Variants in GSE1 observed in about 807,000 individuals in gnomAD.
GSE1 encodes the protein Gse1 coiled-coil protein.
In GSE1, 32 loss-of-function variants were observed where a neutral mutation model predicts 112.6. That is an observed-to-expected ratio of 0.28 (90% CI 0.21 to 0.38). The LOEUF (loss-of-function observed/expected upper bound fraction) is 0.38. Among genes scored for constraint, GSE1 ranks in the 10% least tolerant of loss-of-function variants. The pLI is 1.00. For missense variants in GSE1, 2,348 were observed against 1,699.2 expected, an observed-to-expected ratio of 1.38 and a Z score of -6.71; for synonymous variants, 1,115 against 735.6, an observed-to-expected ratio of 1.52 and a Z score of -8.35.
intron 2 of GSE1, among the ~76,000 whole-genome samples, chr16:85,640,450 C>G (rs1017728740): frequency 2.0e-5 from 3 of 152,228 alleles, no homozygotes; most frequent in Non-Finnish European, 4.4e-5. Flanking sequence ...CCGCGGGGCC[C>G]TGTGCCGCCT....
Position 85,279,881 on chromosome 16 carries a change from A to G in GSE1, c.2284-77582A>G, listed in dbSNP as rs1222579869. On this transcript the variant is annotated intron_variant, in intron 1 of 2. Coordinates refer to the GSE1 transcript ENST00000637419. ...TTCCCGGTGGAAGGAACGCCATCTC[A>G]GAGCAAACTCCGGCGGCGTCATTAG... Among the ~76,000 whole-genome samples the G allele has an allele frequency of 2.0e-5, 3 of 152,190 alleles. No individual in the cohort carries two copies. The East Asian group carries it at 5.8e-4, about 29-fold the overall frequency.
intron 1 of GSE1, among the ~76,000 whole-genome samples, chr16:85,628,116 G>A (rs973449594): frequency 2.0e-5 from 3 of 152,220 alleles, no homozygotes; most frequent in East Asian, 1.9e-4. Context: ...GGGGTTCCCC[G>A]GCTCTTGGCC....
chr16:85,306,660 C>T (rs2045687775), intron 1 of GSE1, among the ~76,000 whole-genome samples: 1 of 152,174 alleles, frequency 6.6e-6, no homozygotes, highest in South Asian at 2.1e-4. Flanking sequence ...GCGATCCTCC[C>T]ACCTCAGCCT....
intron 1 of GSE1, among the ~76,000 whole-genome samples, chr16:85,267,462 G>T (rs1050733263): frequency 2.6e-5 from 4 of 152,114 alleles, no homozygotes; most frequent in Non-Finnish European, 4.4e-5. Context: ...CAGTGACCGT[G>T]GGGGGTGGGG....
At chr16:85,672,356 C>G (rs770474688) in intron 15 of GSE1, 49 bp from the exon 16 acceptor site, 1 of 1,472,810 alleles carries the variant, frequency 6.8e-7, no homozygotes, top group Non-Finnish European at 9.5e-7. Flanking sequence ...ACATGCTTGT[C>G]CTTACAGAGG....
rs1222684136 is a variant in GSE1, at chr16:85,663,069, C to T, written c.2349C>T (p.Pro783=). 2 of 1,611,356 alleles carry T rather than the reference C, an allele frequency of 1.2e-6. No homozygotes were observed. Among genetic ancestry groups the T allele is most frequent in the East Asian group, 2.2e-5 (1 of 44,882 alleles). Residue 783 remains proline, a synonymous_variant, in exon 10 of 16, where the codon CCC becomes CCT. Transcript: ENST00000253458. The part of the protein sequence containing the change: ...AHLRCVAEQP[P]LKLDTSSEKL... The stretch of plus-strand genomic sequence containing the variant: ...TCCGTTGCGTGGCCGAGCAGCCGCC[C>T]CTCAAACTGGACACGTCCTCTGAGG...
intron 1 of GSE1, among the ~76,000 whole-genome samples, chr16:85,178,929 A>G (rs918586256): frequency 6.6e-5 from 10 of 151,600 alleles, no homozygotes; most frequent in Non-Finnish European, 1.2e-4. Context: ...GCGGGCGGGG[A>G]CCCGTCAGGT....
At position 85,410,425 on chromosome 16, in the gene GSE1, AG is replaced by A. The variant is rs1440864874; in HGVS notation, c.2464+52785del. On this transcript the variant is annotated intron_variant, in intron 2 of 2. Transcript: ENST00000637419. ...CTGGATAATCCTCACTGTTACACTCAGGGCCCCCTGGATAATCCTCACTGTT... is the reference window on the plus strand; with the variant it reads ...CTGGATAATCCTCACTGTTACACTCAGGCCCCCTGGATAATCCTCACTGTT... Among the ~76,000 whole-genome samples, 15 of 15,486 alleles carry A rather than the reference AG, an allele frequency of 9.7e-4. 1 individual carries two copies. The highest frequency in any genetic ancestry group is 1.2e-3 in the Non-Finnish European group (9 of 7,718). The allele number at this position is 15,486 out of a possible 152,430, so 10.2% of individuals were successfully genotyped here.
At chr16:85,534,089 C>T (rs1000969666) in intron 2 of GSE1, among the ~76,000 whole-genome samples, 1 of 151,036 alleles carries the variant, frequency 6.6e-6, no homozygotes, top group African/African-American at 2.4e-5. Flanking sequence ...CTGTCATCTG[C>T]TTTACATCCC....
intron 2 of GSE1, among the ~76,000 whole-genome samples, chr16:85,367,485 G>A (rs2047208885): frequency 6.6e-6 from 1 of 152,228 alleles, no homozygotes. Flanking sequence ...GAATGAGCAG[G>A]TAAAGGAGTG....
intron 1 of GSE1, among the ~76,000 whole-genome samples, chr16:85,626,517 G>A (rs560791533): frequency 6.6e-6 from 1 of 152,356 alleles, no homozygotes; most frequent in African/African-American, 2.4e-5. Flanking sequence ...ATTACCAAGA[G>A]GGGTGATTAG....
chr16:85,372,780 G>C (rs1157331318), intron 2 of GSE1, among the ~76,000 whole-genome samples: 1 of 152,112 alleles, frequency 6.6e-6, no homozygotes, highest in Non-Finnish European at 1.5e-5. Context: ...TGTATACCAA[G>C]GTTCTTCACC....
At chr16:85,637,034 T>G (rs79063705) in intron 2 of GSE1, among the ~76,000 whole-genome samples, 3 of 152,228 alleles carry the variant, frequency 2.0e-5, no homozygotes, top group African/African-American at 7.2e-5. Flanking sequence ...TAAAATTTTT[T>G]TAGTTACAAT....
rs1202298534 is a variant in GSE1 at position 85,674,094 on chromosome 16, G to A, written c.*1555G>A. The A allele has an allele frequency of 6.6e-6, 1 of 152,276 alleles. No homozygotes were observed. Among genetic ancestry groups the A allele is most frequent in the Non-Finnish European group, 1.5e-5 (1 of 68,078 alleles). 9.4% of individuals were successfully genotyped at this position (152,276 alleles called of 1,614,324 possible). A position where few individuals can be genotyped will look rare whatever the true frequency, so the allele number is the denominator to read the frequency against. Reference sequence around the variant, plus strand: ...CAAGAAGGCCTCTCTTGCTCCCAAGGGCCCTCACCAGAGGCCAGGGCTGCC... The same window carrying A: ...CAAGAAGGCCTCTCTTGCTCCCAAGAGCCCTCACCAGAGGCCAGGGCTGCC... On this transcript the variant is annotated 3_prime_UTR_variant, in exon 16 of 16. Coordinates refer to ENST00000253458, the MANE Select transcript of GSE1 (RefSeq NM_014615.5).
rs59119214 is a variant in GSE1, at chr16:85,389,615, C to G, written c.2464+31972C>G. ...ATGTCTCTGCTTCTGTCCTCCATCC[C>G]TCCCACCATTTGTCACTGTCCTAGA... On this transcript the variant is annotated intron_variant, in intron 2 of 2. Transcript: ENST00000637419. Among the ~76,000 whole-genome samples, 872 of 152,302 alleles carry G rather than the reference C, an allele frequency of 5.7e-3. 6 individuals are homozygous for G. The highest frequency in any genetic ancestry group is 0.02 in the African/African-American group (836 of 41,566).
chr16:85,430,208 T>C (rs2049087613), intron 2 of GSE1, among the ~76,000 whole-genome samples: 3 of 152,134 alleles, frequency 2.0e-5, no homozygotes, highest in Non-Finnish European at 4.4e-5. Flanking sequence ...TCATGGGTCA[T>C]GAAGCCCATT....
rs915930029 is a variant in GSE1 at position 85,291,349 on chromosome 16, C to T, written c.2284-66114C>T. ...CTGGGCAGCCCGCTCTGCAGAAGGG[C>T]GCCTTTGTGCCCATCTGGCTTGTGC... On this transcript the variant is annotated intron_variant, in intron 1 of 2. Transcript: ENST00000637419. Among the ~76,000 whole-genome samples, 9 of 152,200 alleles carry T rather than the reference C, an allele frequency of 5.9e-5. No individual in the cohort carries two copies. In the East Asian group the frequency reaches 9.6e-4, roughly 16 times the overall value.
intron 1 of GSE1, among the ~76,000 whole-genome samples, chr16:85,240,643 G>A (rs113078291): frequency 6.6e-6 from 1 of 152,182 alleles, no homozygotes; most frequent in African/African-American, 2.4e-5. Context: ...GCATGGAGGG[G>A]TCATGAAGAG....
chr16:85,590,299 T>G (rs562394363), intron 1 of GSE1, among the ~76,000 whole-genome samples: 1 of 150,230 alleles, frequency 6.7e-6, no homozygotes, highest in South Asian at 2.1e-4. Context: ...ACTGTGTGTG[T>G]GAACGCATGG....
Sources: allele counts gnomAD v4.1 joint callset (sites outside exome capture counted in the v4.1 genomes callset), GRCh38; gene constraint gnomAD v4.1.1; transcripts MANE v1.5; gene names NCBI Gene and HGNC (gene_info 2026-07-23, HGNC 2026-07-21).